Variants in AVEN observed in about 807,000 individuals in gnomAD.
The protein encoded by AVEN is cell death regulator Aven.
AVEN carries 41 observed loss-of-function variants against 38.1 expected under a neutral mutation model. That is an observed-to-expected ratio of 1.08 (90% CI 0.84 to 1.40). The LOEUF (loss-of-function observed/expected upper bound fraction) is 1.40. AVEN is among the 40% of genes most tolerant of loss of function. The pLI, the probability that AVEN is intolerant of heterozygous loss-of-function variation, is 0.00. For missense variants in AVEN, 605 were observed against 438.8 expected (o/e 1.38, Z -3.38); for synonymous variants, 206 against 171.8 (o/e 1.20, Z -1.56).
chr15:34,072,696 T>C (rs1029978813), intron 1 of AVEN, among the ~76,000 whole-genome samples: 5 of 151,778 alleles, frequency 3.3e-5, no homozygotes, highest in African/African-American at 4.8e-5. Flanking sequence ...GCCCAGGCTC[T>C]GGAGTGCAGT....
intron 2 of AVEN, among the ~76,000 whole-genome samples, chr15:33,921,578 G>A (rs946222993): frequency 6.6e-6 from 1 of 152,202 alleles, no homozygotes; most frequent in Non-Finnish European, 1.5e-5. Flanking sequence ...GGAAAGGTAA[G>A]TTGGGAGCAG....
chr15:34,024,238 A>C (rs966715273), intron 1 of AVEN, among the ~76,000 whole-genome samples: 1 of 152,208 alleles, frequency 6.6e-6, no homozygotes, highest in African/African-American at 2.4e-5. Context: ...ACAACAAAAA[A>C]GGAATACTTT....
At chr15:33,919,750 T>C (rs141537941) in intron 2 of AVEN, among the ~76,000 whole-genome samples, 1 of 152,326 alleles carries the variant, frequency 6.6e-6, no homozygotes, top group East Asian at 1.9e-4. Flanking sequence ...ATTTAACTGA[T>C]AATTTCACTG....
At chr15:33,852,137 C>A in the AVEN span, 1 of 151,808 alleles carries the variant, frequency 6.6e-6, no homozygotes, top group African/African-American at 2.4e-5. Context: ...GAATAGGGAA[C>A]TGTTGTGTTC....
rs977582902 is a variant in AVEN at position 34,047,584 on chromosome 15, G to C, written n.1637+15338C>G. ...TAAAAGCCAGAGTCTGCCTGAGAGA[G>C]AATTGAGCTCCCAGCGGGAGGATGA... On this transcript the variant is annotated intron_variant and non_coding_transcript_variant, in intron 5 of 11. Transcript: ENST00000675287. Among the ~76,000 whole-genome samples, 3 of 152,132 alleles carry C rather than the reference G, an allele frequency of 2.0e-5. 1 individual carries two copies. Among genetic ancestry groups the C allele is most frequent in the Admixed American group, 2.0e-4 (3 of 15,268 alleles).
At chr15:34,003,480 T>C (rs529188739) in intron 1 of AVEN, among the ~76,000 whole-genome samples, 33 of 152,336 alleles carry the variant, frequency 2.2e-4, no homozygotes, top group African/African-American at 7.5e-4. Flanking sequence ...ATGTATCCTA[T>C]TTCAATAGTT....
chr15:33,866,694 GT>G lies in AVEN; in HGVS notation c.1007del (p.Asn336ThrfsTer25), dbSNP rs762994866. 1.3e-5 allele frequency: 21 copies of G among 1,613,696 alleles called. No individual in the cohort carries two copies. Among genetic ancestry groups the G allele is most frequent in the Admixed American group, 3.3e-5 (2 of 59,974 alleles). The part of the protein sequence containing the change: ...CAKPSVTEEK[N>X]MEPEQPSTSK... Reference sequence around the variant, plus strand: ...AGGTACTTGGTTGCTCAGGTTCCATGTTTTTTTCTTCAGTCACAGATGGTTT... The same window carrying G: ...AGGTACTTGGTTGCTCAGGTTCCATGTTTTTTCTTCAGTCACAGATGGTTT... On this transcript the variant is annotated frameshift_variant, in exon 6 of 6. Transcript: ENST00000306730. LOFTEE classifies it high-confidence loss of function.
chr15:33,943,442 A>C (rs1482053059), intron 2 of AVEN, among the ~76,000 whole-genome samples: 1 of 143,062 alleles, frequency 7.0e-6, no homozygotes, highest in Admixed American at 6.9e-5. Flanking sequence ...GAAGGCTGTC[A>C]GGGGCTGGGA....
chr15:33,977,944 A>AAAAAG (rs564277192), intron 2 of AVEN, among the ~76,000 whole-genome samples: 2 of 151,786 alleles, frequency 1.3e-5, no homozygotes, highest in Non-Finnish European at 1.5e-5. Flanking sequence ...AAAACAGAGA[A>AAAAAG]AAAAGAAAAG....
chr15:33,981,745 T>C (rs575654573), intron 2 of AVEN, among the ~76,000 whole-genome samples: 37 of 152,326 alleles, frequency 2.4e-4, no homozygotes, highest in African/African-American at 8.2e-4. Context: ...ATCTATAAAA[T>C]TGTCTAATAC....
intron 2 of AVEN, among the ~76,000 whole-genome samples, chr15:34,070,549 T>G (rs1450231417): frequency 6.6e-6 from 1 of 152,104 alleles, no homozygotes; most frequent in Non-Finnish European, 1.5e-5. Context: ...CAGCCACTCC[T>G]CTGGCCCTCA....
chr15:33,914,164 C>T (rs930715134), intron 2 of AVEN, among the ~76,000 whole-genome samples: 2 of 151,852 alleles, frequency 1.3e-5, no homozygotes, highest in Admixed American at 6.6e-5. Flanking sequence ...AATATAACCC[C>T]CCCCCAATAG....
intron 1 of AVEN, among the ~76,000 whole-genome samples, chr15:34,073,519 CTTTT>C (rs10617421): frequency 2.0e-4 from 18 of 88,510 alleles, no homozygotes; most frequent in East Asian, 6.9e-4. Context: ...TTTCTTTTTT[CTTTT>C]TTTTTTTTTT....
intron 3 of AVEN, among the ~76,000 whole-genome samples, chr15:33,871,393 CCT>C (rs958306173): frequency 4.6e-5 from 7 of 152,078 alleles, no homozygotes; most frequent in African/African-American, 1.4e-4. Flanking sequence ...ATGGTGAAAC[CCT>C]GTTTCTACTG....
At chr15:34,062,729 T>G (rs1900384929) in intron 5 of AVEN, 1 of 1,609,640 alleles carries the variant, frequency 6.2e-7, no homozygotes, top group Non-Finnish European at 8.5e-7. Flanking sequence ...TGGAAGGGGA[T>G]TCTTACCACA....
intron 2 of AVEN, among the ~76,000 whole-genome samples, chr15:33,989,901 AT>A (rs1304718886): frequency 2.0e-5 from 3 of 150,808 alleles, no homozygotes; most frequent in South Asian, 4.2e-4. Flanking sequence ...ACTAGATGCT[AT>A]TAGAACGTGG....
At chr15:33,884,814 A>G (rs949706821) in intron 2 of AVEN, among the ~76,000 whole-genome samples, 16 of 152,248 alleles carry the variant, frequency 1.1e-4, no homozygotes, top group African/African-American at 3.6e-4. Context: ...CAGATCAGGC[A>G]TATGTGAAGA....
At chr15:34,044,972 T>C (rs1443042222) in intron 5 of AVEN, among the ~76,000 whole-genome samples, 1 of 152,082 alleles carries the variant, frequency 6.6e-6, no homozygotes, top group Non-Finnish European at 1.5e-5. Flanking sequence ...GGCATGAACC[T>C]GGGAGGCGGA....
downstream of AVEN, chr15:33,865,955 T>TACTGAAAATTCAGAAAA (rs1280019161): frequency 6.5e-6 from 1 of 152,782 alleles, no homozygotes; most frequent in Non-Finnish European, 1.5e-5. Flanking sequence ...AAAAGTACTG[T>TACTGAAAATTCAGAAAA]ACTGAAAATT....
Sources: allele counts gnomAD v4.1 joint callset (sites outside exome capture counted in the v4.1 genomes callset), GRCh38; gene constraint gnomAD v4.1.1; transcripts MANE v1.5; gene names NCBI Gene and HGNC (gene_info 2026-07-23, HGNC 2026-07-21).